The following RYR2 variants were observed in gnomAD, a reference collection of about 807,000 sequenced individuals.
The protein encoded by RYR2 is ryanodine receptor 2.
Under a neutral mutation model 601.1 loss-of-function variants are expected in RYR2, and 227 were observed. That is an observed-to-expected ratio of 0.38 (90% CI 0.34 to 0.42). The LOEUF (loss-of-function observed/expected upper bound fraction) is 0.42. RYR2 is among the 10% of genes least tolerant of loss of function. The pLI is 1.00. For missense variants in RYR2, 4,646 were observed against 6,156.5 expected (o/e 0.75, Z 8.21); for synonymous variants, 2,223 against 2,175.1 (o/e 1.02, Z -0.61).
At position 237,445,500 on chromosome 1, in the gene RYR2, T is replaced by G. The variant is rs1326891959; in HGVS notation, c.1270T>G (p.Phe424Val). The G allele has an allele frequency of 6.2e-7, 1 of 1,613,568 alleles. No homozygotes were observed. Among genetic ancestry groups the G allele is most frequent in the African/African-American group, 1.3e-5 (1 of 74,918 alleles). Residue 424 changes from phenylalanine (F) to valine (V), a missense_variant, in exon 14 of 105, where the codon TTC becomes GTC. Transcript: ENST00000366574. ...RTARVIRSTV[F>V]LFNRFIRGLD... Reference sequence around the variant, plus strand: ...AGCCCGAGTTATCCGGAGCACAGTCTTCCTTTTCAATAGATTTATAAGGTA... The same window carrying G: ...AGCCCGAGTTATCCGGAGCACAGTCGTCCTTTTCAATAGATTTATAAGGTA...
chr1:237,314,488 A>T (rs1420237970), intron 2 of RYR2, among the ~76,000 whole-genome samples: 1 of 152,252 alleles, frequency 6.6e-6, no homozygotes, highest in East Asian at 1.9e-4. Context: ...AACATGGGTT[A>T]AAAAGTGGTA....
At chr1:237,755,016 A>C (rs1692828801) in intron 80 of RYR2, 2 of 1,153,468 alleles carry the variant, frequency 1.7e-6, no homozygotes, top group African/African-American at 3.2e-5. Context: ...AGGAGCGCTA[A>C]CTATAGTGTG....
intron 31 of RYR2, 99 bp downstream of exon 31, chr1:237,591,091 TCC>T: frequency 1.1e-5 from 2 of 184,884 alleles, no homozygotes; most frequent in Non-Finnish European, 1.9e-5. Context: ...TTCCTCCTTC[TCC>T]TCCTCCTCCT....
chr1:237,743,287 GA>G (rs2149215212), intron 80 of RYR2, among the ~76,000 whole-genome samples: 1 of 152,248 alleles, frequency 6.6e-6, no homozygotes, highest in East Asian at 1.9e-4. Context: ...CATTTGTTAT[GA>G]ACCTCTCTGC....
intron 3 of RYR2, among the ~76,000 whole-genome samples, chr1:237,336,904 C>A (rs1426808458): frequency 6.6e-6 from 1 of 150,992 alleles, no homozygotes; most frequent in East Asian, 2.0e-4. Context: ...ACACTTGTGT[C>A]ATTCTTTTTA....
intron 6 of RYR2, among the ~76,000 whole-genome samples, chr1:237,374,215 TG>T (rs1428424319): frequency 5.0e-4 from 76 of 152,280 alleles, no homozygotes; most frequent in African/African-American, 1.8e-3. Context: ...AAGACTCTGC[TG>T]GTACAACTAT....
At chr1:237,164,499 G>T (rs529501713) in intron 1 of RYR2, among the ~76,000 whole-genome samples, 2 of 152,158 alleles carry the variant, frequency 1.3e-5, no homozygotes, top group Non-Finnish European at 2.9e-5. Flanking sequence ...TGAGAGGGTG[G>T]TGGGGTTTAA....
At chr1:237,586,386 G>A (rs1391873513) in intron 29 of RYR2, among the ~76,000 whole-genome samples, 1 of 152,106 alleles carries the variant, frequency 6.6e-6, no homozygotes, top group Non-Finnish European at 1.5e-5. Flanking sequence ...AGTTCACTGA[G>A]CATTCGTGCT....
chr1:237,071,942 C>T (rs538475273), intron 1 of RYR2, among the ~76,000 whole-genome samples: 14 of 152,350 alleles, frequency 9.2e-5, no homozygotes, highest in East Asian at 3.9e-4. Flanking sequence ...GGCCAGGTCG[C>T]GATAGCGCCC....
chr1:237,253,324 A>C (rs1436958077), intron 1 of RYR2, among the ~76,000 whole-genome samples: 2 of 152,254 alleles, frequency 1.3e-5, no homozygotes, highest in Admixed American at 1.3e-4. Context: ...CCCACCACTC[A>C]TGCTGGAAAA....
chr1:237,327,592 T>C (rs1298794554), intron 2 of RYR2, among the ~76,000 whole-genome samples: 1 of 152,180 alleles, frequency 6.6e-6, no homozygotes, highest in Non-Finnish European at 1.5e-5. Context: ...AGGTGCAAAA[T>C]TATAGATTTG....
intron 1 of RYR2, among the ~76,000 whole-genome samples, chr1:237,132,595 C>T (rs1045393531): frequency 6.6e-6 from 1 of 152,044 alleles, no homozygotes; most frequent in Admixed American, 6.5e-5. Flanking sequence ...AAACCAAACA[C>T]AAAGAATGGC....
intron 4 of RYR2, among the ~76,000 whole-genome samples, chr1:237,358,000 G>A (rs975588036): frequency 6.6e-6 from 1 of 152,042 alleles, no homozygotes; most frequent in African/African-American, 2.4e-5. Context: ...TCCAGTTCAT[G>A]TCTTATGCTT....
At chr1:237,704,789 C>T (rs1396190082) in intron 66 of RYR2, among the ~76,000 whole-genome samples, 4 of 151,810 alleles carry the variant, frequency 2.6e-5, no homozygotes, top group Non-Finnish European at 4.4e-5. Flanking sequence ...TAGATATTTA[C>T]AAAAAGTTAC....
At position 237,088,921 on chromosome 1, in the gene RYR2, A is replaced by G. The variant is rs865867558; in HGVS notation, c.48+46352A>G. Among the ~76,000 whole-genome samples, 3 of 152,342 alleles carry G rather than the reference A, an allele frequency of 2.0e-5. No homozygotes were observed. The Middle Eastern group carries it at 0.01, about 518-fold the overall frequency. On this transcript the variant is annotated intron_variant, in intron 1 of 104. Coordinates refer to ENST00000366574, the MANE Select transcript of RYR2 (RefSeq NM_001035.3). ...GTTGTTTCCAGTACTTACAAAGCCA[A>G]AATAACCCTTTCTTGCCTGAGTTTC... is the stretch of plus-strand genomic sequence containing the variant.
intron 1 of RYR2, among the ~76,000 whole-genome samples, chr1:237,043,387 G>A (rs186870926): frequency 6.6e-6 from 1 of 152,292 alleles, no homozygotes; most frequent in African/African-American, 2.4e-5. Context: ...GAAGCAAAGT[G>A]TGTGTGTGTA....
At chr1:237,190,828 A>G (rs1679894069) in intron 1 of RYR2, among the ~76,000 whole-genome samples, 1 of 152,200 alleles carries the variant, frequency 6.6e-6, no homozygotes, top group African/African-American at 2.4e-5. Flanking sequence ...AGGGATGACT[A>G]TATAAGATTT....
chr1:237,067,478 G>T (rs776210282), intron 1 of RYR2, among the ~76,000 whole-genome samples: 1 of 152,048 alleles, frequency 6.6e-6, no homozygotes, highest in Admixed American at 6.5e-5. Context: ...TCTGTATTCC[G>T]CTTCATTCGT....
intron 29 of RYR2, among the ~76,000 whole-genome samples, chr1:237,579,069 C>T (rs7555843): frequency 0.3 from 45,345 of 151,814 alleles, 7,245 homozygotes; most frequent in East Asian, 0.61. Context: ...CAGTGCCTTT[C>T]ATTCTAAGTC....
Sources: gnomAD v4.1 joint callset for allele counts (sites outside exome capture counted in the v4.1 genomes callset) on GRCh38, gnomAD v4.1.1 for gene constraint, MANE v1.5 for transcripts, NCBI Gene and HGNC (gene_info 2026-07-23, HGNC 2026-07-21) for gene names.